The following SCGB2A1 variants were observed in gnomAD, a reference collection of about 807,000 sequenced individuals.
SCGB2A1 encodes mammaglobin-B.
In SCGB2A1, 6 loss-of-function variants were observed where a neutral mutation model predicts 9.2. The observed-to-expected ratio is 0.66, with a 90% CI of 0.36 to 1.29. The LOEUF (loss-of-function observed/expected upper bound fraction) is 1.29. Among genes scored for constraint, SCGB2A1 ranks in the 50% most tolerant of loss-of-function variants. SCGB2A1 has a pLI of 0.03. For synonymous variants in SCGB2A1, 37 were observed against 41.0 expected (o/e 0.90, Z 0.37); for missense variants, 138 against 116.9 (o/e 1.18, Z -0.83).
chr11:62,210,272 C>T (rs1420723340), intron 1 of SCGB2A1, 141 bp from the exon 2 acceptor site: 2 of 1,018,864 alleles, frequency 2.0e-6, no homozygotes, highest in African/African-American at 1.7e-5. Context: ...ACTCTGCATA[C>T]TGCACCAAAA....
At chr11:62,213,695 CA>C (rs773714785) in intron 2 of SCGB2A1, 30 bp from the exon 3 acceptor site, 2 of 1,593,158 alleles carry the variant, frequency 1.3e-6, no homozygotes, top group East Asian at 4.5e-5. Flanking sequence ...GTGAAATTTG[CA>C]AACCTAAGTG....
Position 62,213,722 on chromosome 11 carries a change from C to G in SCGB2A1, c.244-4C>G, listed in dbSNP as rs753619043. On this transcript the variant is annotated splice_polypyrimidine_tract_variant and splice_region_variant and intron_variant, in intron 2 of 2. Coordinates refer to ENST00000244930, the MANE Select transcript of SCGB2A1 (RefSeq NM_002407.3). The stretch of plus-strand genomic sequence containing the variant: ...AACCTAAGTGACCTGCTTTTGTTTT[C>G]CAGCATACAGTGTACGACAGCATTT... 1.9e-6 allele frequency: 3 copies of G among 1,610,150 alleles called. No individual in the cohort carries two copies. Among genetic ancestry groups the G allele is most frequent in the African/African-American group, 1.3e-5 (1 of 74,822 alleles).
At chr11:62,209,833 C>T (rs1464513781) in intron 1 of SCGB2A1, among the ~76,000 whole-genome samples, 1 of 152,092 alleles carries the variant, frequency 6.6e-6, no homozygotes, top group Non-Finnish European at 1.5e-5. Flanking sequence ...CACCACTATG[C>T]CTGGCTAATT....
intron 2 of SCGB2A1, among the ~76,000 whole-genome samples, chr11:62,213,107 T>TATATATATATA (rs1554985927): frequency 2.9e-3 from 33 of 11,304 alleles, no homozygotes; most frequent in Admixed American, 0.028. Context: ...TATATATATA[T>TATATATATATA]TTTTTTTTTT....
intron 2 of SCGB2A1, among the ~76,000 whole-genome samples, chr11:62,212,986 A>G (rs1445278741): frequency 2.7e-4 from 40 of 147,110 alleles, no homozygotes; most frequent in African/African-American, 1.0e-3. Flanking sequence ...ATGTGCACAT[A>G]TACATGCATA....
chr11:62,210,154 C>A (rs1200985731), intron 1 of SCGB2A1, among the ~76,000 whole-genome samples: 2 of 152,196 alleles, frequency 1.3e-5, no homozygotes, highest in Admixed American at 6.5e-5. Context: ...CAGAACACCT[C>A]ATTTCTCGAG....
intron 2 of SCGB2A1, among the ~76,000 whole-genome samples, chr11:62,212,490 C>T (rs989839052): frequency 5.9e-5 from 9 of 151,668 alleles, no homozygotes; most frequent in African/African-American, 2.2e-4. Context: ...CAAAAATTAG[C>T]TAGGCGTGGT....
At chr11:62,210,718 T>C in intron 2 of SCGB2A1, 118 bp downstream of exon 2, 1 of 721,366 alleles carries the variant, frequency 1.4e-6, no homozygotes, top group Non-Finnish European at 2.1e-6. Flanking sequence ...ATATATCAAT[T>C]CATTAAACTT....
rs543356723 is a variant in SCGB2A1, at chr11:62,211,065, A to C, written c.243+465A>C. Among the ~76,000 whole-genome samples, 27 of 151,998 alleles carry C rather than the reference A, an allele frequency of 1.8e-4. No homozygotes were observed. The South Asian group carries it at 5.2e-3, about 29-fold the overall frequency. ...CCACCTCCCGAGTAGTTGGGATTAC[A>C]GGTGTGCGCCACCACGCCGGGCTAA... On this transcript the variant is annotated intron_variant, in intron 2 of 2. Transcript: ENST00000244930.
chr11:62,208,766 TC>T lies in SCGB2A1; in HGVS notation c.37del (p.Leu13SerfsTer38). 1 of 1,613,388 alleles carries T rather than the reference TC, an allele frequency of 6.2e-7. No individual in the cohort carries two copies. The highest frequency in any genetic ancestry group is 1.1e-5 in the South Asian group (1 of 91,058). ...KLLMVLMLAA[L>X]LLHCYADSGC... ...CTGATGGTCCTCATGCTGGCGGCCCTCCTCCTGCACTGCTATGCAGGTGAGT... is the reference window on the plus strand; with the variant it reads ...CTGATGGTCCTCATGCTGGCGGCCCTCTCCTGCACTGCTATGCAGGTGAGT... On this transcript the variant is annotated frameshift_variant, in exon 1 of 3. Coordinates refer to ENST00000244930, the MANE Select transcript of SCGB2A1 (RefSeq NM_002407.3). LOFTEE classifies it high-confidence loss of function.
chr11:62,209,830 A>G (rs1250439540), intron 1 of SCGB2A1, among the ~76,000 whole-genome samples: 2 of 152,032 alleles, frequency 1.3e-5, no homozygotes, highest in African/African-American at 2.4e-5. Context: ...GGACACCACT[A>G]TGCCTGGCTA....
rs1944804911 is a variant in SCGB2A1 at position 62,208,801 on chromosome 11, G to A, written c.55+15G>A. ...CTGCTATGCAGGTGAGTTCTGGGCAGAGAGGGCTGCTTCTGGGCTAGGAAT... is the reference window on the plus strand; with the variant it reads ...CTGCTATGCAGGTGAGTTCTGGGCAAAGAGGGCTGCTTCTGGGCTAGGAAT... On this transcript the variant is annotated intron_variant, in intron 1 of 2. Transcript: ENST00000244930. 1.2e-5 allele frequency: 19 copies of A among 1,611,474 alleles called. No homozygotes were observed. The highest frequency in any genetic ancestry group is 1.5e-5 in the Non-Finnish European group (18 of 1,178,902).
intron 2 of SCGB2A1, among the ~76,000 whole-genome samples, chr11:62,213,263 G>A (rs1294737537): frequency 6.6e-6 from 1 of 151,800 alleles, no homozygotes; most frequent in East Asian, 1.9e-4. Context: ...AGGCCTCAAA[G>A]GTAATGGTGA....
intron 2 of SCGB2A1, among the ~76,000 whole-genome samples, chr11:62,212,012 T>C (rs997250411): frequency 1.4e-4 from 22 of 152,084 alleles, no homozygotes; most frequent in African/African-American, 5.3e-4. Flanking sequence ...AATCTCCGGC[T>C]CCTGAGTTCA....
Position 62,211,248 on chromosome 11 carries a change from G to A in SCGB2A1, c.243+648G>A, listed in dbSNP as rs531228957. On this transcript the variant is annotated intron_variant, in intron 2 of 2. Coordinates refer to ENST00000244930, the MANE Select transcript of SCGB2A1 (RefSeq NM_002407.3). ...CAGAACATGCACATTTTTATCAAGA[G>A]AAAATATCTGGTTCTCAAGAGATCA... Among the ~76,000 whole-genome samples, 100 of 152,034 alleles carry A rather than the reference G, an allele frequency of 6.6e-4. No individual in the cohort carries two copies. The South Asian group carries it at 0.021, about 31-fold the overall frequency.
chr11:62,212,947 CACACATATGT>C (rs200809164), intron 2 of SCGB2A1, among the ~76,000 whole-genome samples: 36,381 of 140,950 alleles, frequency 0.26, 6,608 homozygotes, highest in Middle Eastern at 0.44. Flanking sequence ...CACATATGTA[CACACATATGT>C]ACACATATGT....
chr11:62,210,469 T>TCTA lies in SCGB2A1; in HGVS notation c.113_115dup (p.Ser38_Ile39insThr), dbSNP rs1363480806. On this transcript the variant is annotated inframe_insertion, in exon 2 of 3. Coordinates refer to ENST00000244930, the MANE Select transcript of SCGB2A1 (RefSeq NM_002407.3). ...TGAAAAGACCATCAATTCCGACATA[T>TCTA]CTATACCTGAATACAAAGAGCTTCT... 5.7e-6 allele frequency: 9 copies of TCTA among 1,584,582 alleles called. No homozygotes were observed. The South Asian group carries it at 1.1e-4, about 19-fold the overall frequency.
At chr11:62,213,012 G>GTACACACATATGTA (rs140305986) in intron 2 of SCGB2A1, among the ~76,000 whole-genome samples, 1 of 139,024 alleles carries the variant, frequency 7.2e-6, no homozygotes, top group African/African-American at 2.8e-5. Context: ...ACACATATAT[G>GTACACACATATGTA]CACATATATA....
At chr11:62,211,849 A>T (rs1352959992) in intron 2 of SCGB2A1, among the ~76,000 whole-genome samples, 2 of 152,242 alleles carry the variant, frequency 1.3e-5, no homozygotes, top group East Asian at 3.8e-4. Context: ...ATTGTTTAAA[A>T]CAAAAGTCAG....
Sources: allele counts gnomAD v4.1 joint callset (sites outside exome capture counted in the v4.1 genomes callset), GRCh38; gene constraint gnomAD v4.1.1; transcripts MANE v1.5; gene names NCBI Gene and HGNC (gene_info 2026-07-23, HGNC 2026-07-21).